The following PPWD1 variants were observed in gnomAD, a reference collection of about 807,000 sequenced individuals.
PPWD1 encodes peptidylprolyl isomerase domain and WD repeat-containing protein 1.
A neutral mutation model predicts 68.8 loss-of-function variants in PPWD1; 43 were observed. That is an observed-to-expected ratio of 0.62 (90% CI 0.49 to 0.81). The LOEUF is 0.81. Ranked by LOEUF, PPWD1 falls within the 30% of genes least tolerant of loss-of-function variation. The pLI is 0.00. For missense variants in PPWD1, 672 were observed against 804.8 expected (o/e 0.83, Z 2.00); for synonymous variants, 232 against 258.7 (o/e 0.90, Z 0.99).
Position 65,563,426 on chromosome 5 carries a change from C to T in PPWD1, c.116C>T (p.Ser39Phe), listed in dbSNP as rs781311140. Residue 39 changes from serine (S) to phenylalanine (F), a missense_variant, in exon 1 of 11, where the codon TCC becomes TTC. Coordinates refer to ENST00000261308, the MANE Select transcript of PPWD1 (RefSeq NM_015342.4). Reference sequence around the variant, plus strand: ...GAGCTGGCAGTAGCAGTGGCGGTGTCCCAGGAGAACGATGAGGAGAACGAA... The same window carrying T: ...GAGCTGGCAGTAGCAGTGGCGGTGTTCCAGGAGAACGATGAGGAGAACGAA... ...ERELAVAVAV[S>F]QENDEENEER... 5.6e-6 allele frequency: 9 copies of T among 1,613,998 alleles called. No individual in the cohort carries two copies. The Admixed American group carries it at 1.0e-4, about 18-fold the overall frequency.
intron 7 of PPWD1, among the ~76,000 whole-genome samples, chr5:65,581,853 A>C (rs1219584379): frequency 2.0e-5 from 3 of 152,204 alleles, no homozygotes; most frequent in Admixed American, 2.0e-4. Context: ...AATGGTATGC[A>C]TATATATGAA....
chr5:65,568,873 G>C (rs1436544113), intron 2 of PPWD1: 1 of 454,962 alleles, frequency 2.2e-6, no homozygotes, highest in African/African-American at 2.0e-5. Context: ...TAGCATTGCT[G>C]TCACTCTCTT....
chr5:65,570,250 T>G (rs2150592872), intron 4 of PPWD1: 2 of 923,228 alleles, frequency 2.2e-6, no homozygotes, highest in East Asian at 1.2e-4. Flanking sequence ...AAATTGACAT[T>G]ACTTAGTAAT....
chr5:65,574,139 T>C (rs1271085782), intron 5 of PPWD1, among the ~76,000 whole-genome samples: 1 of 152,228 alleles, frequency 6.6e-6, no homozygotes, highest in Non-Finnish European at 1.5e-5. Flanking sequence ...AGTGGCGATC[T>C]TGATTTGGTG....
Position 65,585,065 on chromosome 5 carries a change from T to C in PPWD1, c.1584T>C (p.Tyr528=), listed in dbSNP as rs149940260. 1,163 of 1,611,978 alleles carry C rather than the reference T, an allele frequency of 7.2e-4. 6 individuals carry two copies. In the Middle Eastern group the frequency reaches 9.0e-3, roughly 12 times the overall value. ...GTGTTCACAGCAGAAATGGTTATTA[T>C]AATGGGCATACATTTCACCGTATAA... ...NFCVHSRNGY[Y]NGHTFHRIIK... The change falls in exon 9 of 11, where the codon TAT becomes TAC. Residue 528 remains tyrosine (Y), a synonymous_variant. Transcript: ENST00000261308.
In PPWD1 at chr5:65,583,430, C is replaced by T. The variant is rs989003879; in HGVS notation, c.1532+211C>T. 7 of 387,974 alleles carry T rather than the reference C, an allele frequency of 1.8e-5. No individual in the cohort carries two copies. In the Admixed American group the frequency reaches 3.0e-4, roughly 17 times the overall value. 24.0% of individuals were successfully genotyped at this position (387,974 alleles called of 1,614,324 possible). A position where few individuals can be genotyped will look rare whatever the true frequency, so the allele number is the denominator to read the frequency against. On this transcript the variant is annotated intron_variant, in intron 8 of 10. Coordinates refer to ENST00000261308, the MANE Select transcript of PPWD1 (RefSeq NM_015342.4). ...GCATATATACTTTATAGGTTCATTA[C>T]GAGGACAAAATGTATTGGCTATGAA...
In PPWD1 at chr5:65,572,277, A is replaced by C. The variant is rs1161812315; in HGVS notation, c.960A>C (p.Glu320Asp). The change falls in exon 5 of 11, where the codon GAA (glutamate) becomes GAC (aspartate). Residue 320 changes from glutamate (E) to aspartate (D), a missense_variant. Physicochemically the swap from Glu to Asp is conservative, Grantham distance 45. Coordinates refer to ENST00000261308, the MANE Select transcript of PPWD1 (RefSeq NM_015342.4). ...VTGKLMRVFDESLSMFTELQQ... is the reference protein window; with the variant it reads ...VTGKLMRVFDDSLSMFTELQQ... ...GAAAACTCATGAGAGTCTTTGATGA[A>C]TCACTAAGCGTAAGTGTAATTTAAA... The C allele has an allele frequency of 3.1e-6, 5 of 1,607,514 alleles. No individual in the cohort carries two copies. The highest frequency in any genetic ancestry group is 1.3e-5 in the African/African-American group (1 of 74,532).
chr5:65,563,746 T>C (rs1361070103), intron 1 of PPWD1: 8 of 1,446,992 alleles, frequency 5.5e-6, no homozygotes, highest in Admixed American at 2.0e-5. Context: ...TGACAGATGC[T>C]AAAACTAACA....
rs575921340 is a variant in PPWD1 at position 65,571,786 on chromosome 5, C to T, written c.522-53C>T. The T allele has an allele frequency of 1.6e-3, 2,567 of 1,569,656 alleles. 3 individuals carry two copies. The highest frequency in any genetic ancestry group is 3.3e-3 in the Admixed American group (183 of 55,264). On this transcript the variant is annotated intron_variant, in intron 4 of 10. Transcript: ENST00000261308. ...TTTGGTAGTGGGATAGGGAGGGATG[C>T]TTGCTTGTTGTGCTGACCTTTTTTT...
rs185426437 is a variant in PPWD1 at position 65,576,533 on chromosome 5, T to G, written c.970-346T>G. ...CTGGGATTACAGGCACACATCACCA[T>G]GCCCGGCTAAGTTTTTATGTTTTTA... On this transcript the variant is annotated intron_variant, in intron 5 of 10. Coordinates refer to ENST00000261308, the MANE Select transcript of PPWD1 (RefSeq NM_015342.4). The G allele has an allele frequency of 1.2e-3, 289 of 237,798 alleles. 2 individuals carry two copies. Among genetic ancestry groups the G allele is most frequent in the African/African-American group, 6.3e-3 (270 of 43,026 alleles). 14.7% of individuals were successfully genotyped at this position (237,798 alleles called of 1,614,324 possible). A position where few individuals can be genotyped will look rare whatever the true frequency, so the allele number is the denominator to read the frequency against.
At chr5:65,582,739 C>T in intron 7 of PPWD1, 1 of 188,790 alleles carries the variant, frequency 5.3e-6, no homozygotes, top group Non-Finnish European at 1.1e-5. Context: ...TCGAGAGCTA[C>T]CACAAATGAA....
intron 6 of PPWD1, among the ~76,000 whole-genome samples, chr5:65,577,646 T>C (rs1268594760): frequency 2.6e-5 from 4 of 152,258 alleles, no homozygotes; most frequent in African/African-American, 4.8e-5. Flanking sequence ...TTTGAAGTTT[T>C]GCAGAACAGT....
chr5:65,571,578 TAA>T (rs1561724017), intron 4 of PPWD1, among the ~76,000 whole-genome samples: 1 of 152,160 alleles, frequency 6.6e-6, no homozygotes, highest in Non-Finnish European at 1.5e-5. Flanking sequence ...CCAAGAGAAA[TAA>T]GTGTGCTGCT....
At chr5:65,585,821 T>C in intron 9 of PPWD1, 178 bp from the exon 10 acceptor site, 1 of 668,990 alleles carries the variant, frequency 1.5e-6, no homozygotes. Flanking sequence ...TCAATCAAGG[T>C]GGTGGTTGGG....
At chr5:65,563,992 C>T (rs2150584186) in intron 1 of PPWD1, 2 of 720,046 alleles carry the variant, frequency 2.8e-6, no homozygotes, top group South Asian at 1.9e-5. Flanking sequence ...AATAAATTTT[C>T]GCATCTAGGG....
chr5:65,584,932 A>C, intron 8 of PPWD1, 82 bp from the exon 9 acceptor site: 1 of 1,517,780 alleles, frequency 6.6e-7, no homozygotes, highest in South Asian at 1.3e-5. Context: ...GAAAGGAAAC[A>C]TCATTAGGAA....
Position 65,573,481 on chromosome 5 carries a change from T to TATATATATATATATATATATATAA in PPWD1, c.969+1195_969+1196insATATATATATATATATATATATAA, listed in dbSNP as rs1304267719. Among the ~76,000 whole-genome samples the TATATATATATATATATATATATAA allele has an allele frequency of 4.3e-3, 405 of 93,362 alleles. 13 individuals carry two copies. Among genetic ancestry groups the TATATATATATATATATATATATAA allele is most frequent in the African/African-American group, 8.8e-3 (170 of 19,282 alleles). The allele number at this position is 93,362 out of a possible 152,430, so 61.2% of individuals were successfully genotyped here. A position where few individuals can be genotyped will look rare whatever the true frequency, so the allele number is the denominator to read the frequency against. On this transcript the variant is annotated intron_variant, in intron 5 of 10. Transcript: ENST00000261308. Reference sequence around the variant, plus strand: ...CTAATATATATATATATATATTTTTTTTTTATTAGAGATGGGTTTTTTTTA... The same window carrying TATATATATATATATATATATATAA: ...CTAATATATATATATATATATTTTTTATATATATATATATATATATATAATTTTATTAGAGATGGGTTTTTTTTA...
intron 8 of PPWD1, among the ~76,000 whole-genome samples, chr5:65,583,536 G>A (rs888277180): frequency 6.6e-6 from 1 of 152,166 alleles, no homozygotes; most frequent in Non-Finnish European, 1.5e-5. Context: ...TCTAGGTTTT[G>A]TGGATTGCTT....
intron 2 of PPWD1, 157 bp downstream of exon 2, chr5:65,567,772 G>T: frequency 7.9e-7 from 1 of 1,263,726 alleles, no homozygotes; most frequent in Non-Finnish European, 1.0e-6. Flanking sequence ...TTCCTATATC[G>T]TACAAATAAT....
Sources: gnomAD v4.1 joint callset for allele counts (sites outside exome capture counted in the v4.1 genomes callset) on GRCh38, gnomAD v4.1.1 for gene constraint, MANE v1.5 for transcripts, NCBI Gene and HGNC (gene_info 2026-07-23, HGNC 2026-07-21) for gene names.